Variants in ANKRD13D observed in about 807,000 individuals in gnomAD.
The protein encoded by ANKRD13D is ankyrin repeat domain 13D.
ANKRD13D carries 24 observed loss-of-function variants against 68.8 expected under a neutral mutation model. That is an observed-to-expected ratio of 0.35 (90% CI 0.25 to 0.49). The LOEUF is 0.49. Ranked by LOEUF, ANKRD13D falls within the 20% of genes least tolerant of loss-of-function variation. The pLI, the probability that ANKRD13D is intolerant of heterozygous loss-of-function variation, is 0.99. For missense variants in ANKRD13D, 735 were observed against 832.1 expected (o/e 0.88, Z 1.44); for synonymous variants, 331 against 336.1 (o/e 0.98, Z 0.16).
At chr11:67,289,930 G>A (rs1860461982) in intron 1 of ANKRD13D, 148 bp from the exon 2 acceptor site, 1 of 1,442,834 alleles carries the variant, frequency 6.9e-7, no homozygotes, top group Non-Finnish European at 9.1e-7. Context: ...CCTCTCCCCT[G>A]CCAGGACACG....
In ANKRD13D at chr11:67,300,086, A is replaced by G. The variant is rs1860919401; in HGVS notation, c.1036A>G (p.Ile346Val). Residue 346 changes from isoleucine to valine, a missense_variant, in exon 10 of 15, where the codon ATT (isoleucine) becomes GTT (valine). Transcript: ENST00000511455. This position sits in a 1 kb window ranked among gnomAD's most constrained non-coding sequence, Gnocchi z 4.3. ...DPNFSLESRNIGRPIEMSSKV... is the reference protein window; with the variant it reads ...DPNFSLESRNVGRPIEMSSKV... ...CAACTTCAGCCTGGAGTCACGGAAC[A>G]TTGGCCGCCCCATCGAGATGTCCAG... The G allele has an allele frequency of 6.2e-7, 1 of 1,614,010 alleles. No individual in the cohort carries two copies. Among genetic ancestry groups the G allele is most frequent in the East Asian group, 2.2e-5 (1 of 44,882 alleles).
At chr11:67,296,558 T>G (rs1354909051) in intron 6 of ANKRD13D, among the ~76,000 whole-genome samples, 1 of 152,234 alleles carries the variant, frequency 6.6e-6, no homozygotes, top group African/African-American at 2.4e-5. Context: ...ATGCTTTTTA[T>G]TTCTGTTGCT....
At position 67,302,455 on chromosome 11, in the gene ANKRD13D, T is replaced by C. The variant is rs1861054126; in HGVS notation, c.*123T>C. 1 of 1,356,184 alleles carries C rather than the reference T, an allele frequency of 7.4e-7. No homozygotes were observed. The highest frequency in any genetic ancestry group is 1.5e-5 in the African/African-American group (1 of 67,922). 84.0% of individuals were successfully genotyped at this position (1,356,184 alleles called of 1,614,324 possible). ...CCAGGAATGAGCAGGCAGGGGAGAC[T>C]GAGATGGAAATAAAGAGACTGTCGC... On this transcript the variant is annotated 3_prime_UTR_variant, in exon 15 of 15. Transcript: ENST00000511455.
intron 6 of ANKRD13D, 136 bp from the exon 7 acceptor site, chr11:67,298,922 T>C (rs1860865320): frequency 5.8e-6 from 5 of 867,734 alleles, no homozygotes; most frequent in Non-Finnish European, 9.7e-6. Context: ...TCAGGGGTCC[T>C]CCATGTTTCA....
At position 67,301,085 on chromosome 11, in the gene ANKRD13D, A is replaced by G. The variant is rs768150285; in HGVS notation, c.1169A>G (p.His390Arg). The G allele has an allele frequency of 1.2e-6, 2 of 1,613,936 alleles. No individual in the cohort carries two copies. The highest frequency in any genetic ancestry group is 1.7e-6 in the Non-Finnish European group (2 of 1,180,038). ...IIDLMAISNAHFAKLRDFITL... is the reference protein window; with the variant it reads ...IIDLMAISNARFAKLRDFITL... ...GACCTAATGGCCATCAGCAACGCTC[A>G]CTTTGCCAAGCTGCGCGACTTCATC... Residue 390 changes from histidine (H) to arginine (R), a missense_variant, in exon 11 of 15, where the codon CAC becomes CGC. Physicochemically the swap from His to Arg is conservative, Grantham distance 29 (BLOSUM62 0). Coordinates refer to ENST00000511455, the MANE Select transcript of ANKRD13D (RefSeq NM_207354.3). The surrounding 1 kb of genome is among the most constrained non-coding windows in gnomAD (Gnocchi z 4.5).
At chr11:67,296,815 T>A (rs967677374) in intron 6 of ANKRD13D, among the ~76,000 whole-genome samples, 1 of 152,142 alleles carries the variant, frequency 6.6e-6, no homozygotes, top group East Asian at 1.9e-4. Context: ...AGAGATGTGG[T>A]CTCACTATGT....
chr11:67,299,831 G>A lies in ANKRD13D; in HGVS notation c.885G>A (p.Gly295=). The change falls in exon 9 of 15, where the codon GGG becomes GGA. Residue 295 remains glycine, a synonymous_variant. Transcript: ENST00000511455. This position sits in a 1 kb window ranked among gnomAD's most constrained non-coding sequence, Gnocchi z 6.2. ...SDQDKSRSKA[G]KTPFQSFLGM... is the part of the protein sequence containing the mutation. ...GCTCCCACCCCTTCTCCGTAGCGGG[G>A]AAGACTCCATTCCAGTCCTTCCTGG... 2 of 1,534,218 alleles carry A rather than the reference G, an allele frequency of 1.3e-6. No homozygotes were observed. Among genetic ancestry groups the A allele is most frequent in the Non-Finnish European group, 1.8e-6 (2 of 1,140,262 alleles).
Position 67,290,698 on chromosome 11 carries a change from C to T in ANKRD13D, c.351+252C>T. The T allele has an allele frequency of 1.1e-5, 5 of 471,002 alleles. No individual in the cohort carries two copies. In the South Asian group the frequency reaches 1.8e-4, roughly 17 times the overall value. 29.2% of individuals were successfully genotyped at this position (471,002 alleles called of 1,614,324 possible). A position where few individuals can be genotyped will look rare whatever the true frequency, so the allele number is the denominator to read the frequency against. On this transcript the variant is annotated intron_variant, in intron 3 of 14. Transcript: ENST00000511455. ...TGGGCCTCCTGAAGAATGCAGATTA[C>T]CTGGAGCAGGGACTTCAGGTTGACT...
Position 67,290,446 on chromosome 11 carries a change from G to A in ANKRD13D, c.351G>A (p.Gln117=). 6.3e-7 allele frequency: 1 copy of A among 1,576,692 alleles called. No individual in the cohort carries two copies. The highest frequency in any genetic ancestry group is 8.6e-7 in the Non-Finnish European group (1 of 1,162,084). Residue 117 remains glutamine, a splice_region_variant and synonymous_variant, in exon 3 of 15, where the codon CAG becomes CAA. Coordinates refer to ENST00000511455, the MANE Select transcript of ANKRD13D (RefSeq NM_207354.3). ...GIPELLNKLR[Q]APDFYVEMKW... ...CGGAACTGCTCAACAAACTTCGCCA[G>A]GTACAGCAGGGCACAGTTATGGAGG...
Position 67,290,572 on chromosome 11 carries a change from T to C in ANKRD13D, c.351+126T>C, listed in dbSNP as rs563101972. ...GTGCCTCCTGCCACCAGCAAGGAGGTCTGTCTATCTTGACCCCAGCCCAGG... is the reference window on the plus strand; with the variant it reads ...GTGCCTCCTGCCACCAGCAAGGAGGCCTGTCTATCTTGACCCCAGCCCAGG... On this transcript the variant is annotated intron_variant, in intron 3 of 14. Transcript: ENST00000511455. 51 of 1,392,936 alleles carry C rather than the reference T, an allele frequency of 3.7e-5. No individual in the cohort carries two copies. In the East Asian group the frequency reaches 1.3e-3, roughly 35 times the overall value. The allele number at this position is 1,392,936 out of a possible 1,614,324, so 86.3% of individuals were successfully genotyped here. A position where few individuals can be genotyped will look rare whatever the true frequency, so the allele number is the denominator to read the frequency against.
At chr11:67,297,648 C>G (rs1191514597) in intron 6 of ANKRD13D, among the ~76,000 whole-genome samples, 1 of 151,992 alleles carries the variant, frequency 6.6e-6, no homozygotes, top group Non-Finnish European at 1.5e-5. Flanking sequence ...GGCTCAGCCT[C>G]CCGAGTAGCT....
At chr11:67,298,964 C>A (rs916506646) in intron 6 of ANKRD13D, 94 bp from the exon 7 acceptor site, 2 of 1,392,012 alleles carry the variant, frequency 1.4e-6, no homozygotes, top group Non-Finnish European at 2.0e-6. Context: ...GTTGGGCACC[C>A]CGGGCAGGCT....
At position 67,299,047 on chromosome 11, in the gene ANKRD13D, G is replaced by A. The variant is rs1274445831; in HGVS notation, c.732-11G>A. ...TGCAGGTCTCACCAGCTCCTGTTTGGTCTGTTTCAGGAACAAATGTGGTAT... is the reference window on the plus strand; with the variant it reads ...TGCAGGTCTCACCAGCTCCTGTTTGATCTGTTTCAGGAACAAATGTGGTAT... On this transcript the variant is annotated splice_polypyrimidine_tract_variant and intron_variant, in intron 6 of 14. Transcript: ENST00000511455. The surrounding 1 kb of genome is among the most constrained non-coding windows in gnomAD (Gnocchi z 6.2). 1.9e-6 allele frequency: 3 copies of A among 1,602,964 alleles called. No homozygotes were observed. The African/African-American group carries it at 4.0e-5, about 22-fold the overall frequency.
At chr11:67,290,251 A>AG (rs749273051) in intron 2 of ANKRD13D, 38 bp downstream of exon 2, 21 of 1,544,472 alleles carry the variant, frequency 1.4e-5, no homozygotes, top group Non-Finnish European at 1.6e-5. Flanking sequence ...TGAGGCTGGC[A>AG]GGCGGGGGGC....
In ANKRD13D at chr11:67,289,397, A is replaced by G. The variant is rs2136515373; in HGVS notation, c.-64A>G. On this transcript the variant is annotated 5_prime_UTR_variant, in exon 1 of 15. Transcript: ENST00000511455. ...GCAGCTGGGGCGCGGCTCGGAGGGG[A>G]GGCTAGGGGGCCGTGCCAGGCCCGA... 1 of 1,196,884 alleles carries G rather than the reference A, an allele frequency of 8.4e-7. No individual in the cohort carries two copies. The highest frequency in any genetic ancestry group is 1.1e-6 in the Non-Finnish European group (1 of 946,128). 74.1% of individuals were successfully genotyped at this position (1,196,884 alleles called of 1,614,324 possible).
chr11:67,299,597 A>G lies in ANKRD13D; in HGVS notation c.866A>G (p.Lys289Arg), dbSNP rs1355415571. The part of the protein sequence containing the change: ...TRTEHLSDQD[K>R]SRSKAGKTPF... The stretch of plus-strand genomic sequence containing the variant: ...ACGGAGCACCTCTCTGATCAGGACA[A>G]GTCGAGGAGCAAAGGTAAACCCAGG... The change falls in exon 8 of 15, where the codon AAG becomes AGG. Residue 289 changes from lysine to arginine, a missense_variant. Lys to Arg is a conservative substitution (Grantham distance 26). Transcript: ENST00000511455. The surrounding 1 kb of genome is among the most constrained non-coding windows in gnomAD (Gnocchi z 6.2). The G allele has an allele frequency of 1.3e-6, 2 of 1,551,206 alleles. No individual in the cohort carries two copies. Among genetic ancestry groups the G allele is most frequent in the Non-Finnish European group, 1.7e-6 (2 of 1,146,954 alleles).
intron 6 of ANKRD13D, among the ~76,000 whole-genome samples, chr11:67,295,721 G>A (rs1260588380): frequency 1.3e-5 from 2 of 152,078 alleles, no homozygotes; most frequent in African/African-American, 4.8e-5. Context: ...GGGTGACAGA[G>A]CAAGACTCCA....
chr11:67,294,572 A>T (rs1860693660), intron 6 of ANKRD13D, among the ~76,000 whole-genome samples: 2 of 146,040 alleles, frequency 1.4e-5, no homozygotes, highest in Non-Finnish European at 1.5e-5. Context: ...ATGGAGTCTC[A>T]CTCTATTGCC....
In ANKRD13D at chr11:67,301,892, A is replaced by G. The variant is rs908169644; in HGVS notation, c.1604+69A>G. ...CTGGCTTGGCGGGGAGGGGGATAGC[A>G]GGAAGGTGCTAGGACCCCAGGCCCT... On this transcript the variant is annotated intron_variant, in intron 14 of 14. Coordinates refer to ENST00000511455, the MANE Select transcript of ANKRD13D (RefSeq NM_207354.3). This position sits in a 1 kb window ranked among gnomAD's most constrained non-coding sequence, Gnocchi z 4.5. 4.7e-6 allele frequency: 7 copies of G among 1,492,240 alleles called. No homozygotes were observed. Among genetic ancestry groups the G allele is most frequent in the Non-Finnish European group, 6.3e-6 (7 of 1,111,110 alleles). 92.4% of individuals were successfully genotyped at this position (1,492,240 alleles called of 1,614,324 possible).
Sources: allele counts gnomAD v4.1 joint callset (sites outside exome capture counted in the v4.1 genomes callset), GRCh38; gene constraint gnomAD v4.1.1; non-coding constraint Gnocchi (gnomAD v3.1); transcripts MANE v1.5; gene names NCBI Gene and HGNC (gene_info 2026-07-23, HGNC 2026-07-21).